CD2AP: variants seen among roughly 807,000 people sequenced by gnomAD.
CD2AP encodes the protein CD2 associated protein.
In CD2AP, 46 loss-of-function variants were observed where a neutral mutation model predicts 85.1. That is an observed-to-expected ratio of 0.54 (90% CI 0.43 to 0.69). The LOEUF (loss-of-function observed/expected upper bound fraction) is 0.69, where lower values mean the gene tolerates loss of function less well. Ranked by LOEUF, CD2AP falls within the 30% of genes least tolerant of loss-of-function variation. The pLI, the probability that CD2AP is intolerant of heterozygous loss-of-function variation, is 0.00. For missense variants in CD2AP, 769 were observed against 729.5 expected (o/e 1.05, Z -0.62); for synonymous variants, 255 against 252.9 (o/e 1.01, Z -0.08).
intron 8 of CD2AP, among the ~76,000 whole-genome samples, 174 bp downstream of exon 8, chr6:47,577,277 T>C (rs1358860987): frequency 6.6e-6 from 1 of 152,224 alleles, no homozygotes; most frequent in Non-Finnish European, 1.5e-5. Flanking sequence ...CTCAGAACGT[T>C]CTCTTTTTGA....
chr6:47,621,235 T>C (rs566854646), intron 17 of CD2AP, among the ~76,000 whole-genome samples: 33 of 152,352 alleles, frequency 2.2e-4, no homozygotes, highest in Non-Finnish European at 4.9e-4. Context: ...CCAGTTTTGC[T>C]GAGAGTTTTA....
At chr6:47,551,011 A>G (rs943391026) in intron 4 of CD2AP, among the ~76,000 whole-genome samples, 13 of 152,098 alleles carry the variant, frequency 8.5e-5, no homozygotes, top group African/African-American at 1.7e-4. Flanking sequence ...GAATGACACA[A>G]TGGACTTTGG....
intron 2 of CD2AP, among the ~76,000 whole-genome samples, chr6:47,503,878 A>G (rs1766060872): frequency 6.6e-6 from 1 of 152,234 alleles, no homozygotes; most frequent in Non-Finnish European, 1.5e-5. Context: ...ACTGTTGGTT[A>G]GCTAAGACAA....
chr6:47,560,379 G>T (rs1020748974), intron 5 of CD2AP, among the ~76,000 whole-genome samples: 3 of 151,704 alleles, frequency 2.0e-5, no homozygotes, highest in Admixed American at 6.6e-5. Context: ...TATTATTCCA[G>T]CATGTTCTTT....
At chr6:47,601,795 CTT>C (rs1769144628) in intron 13 of CD2AP, among the ~76,000 whole-genome samples, 1 of 151,922 alleles carries the variant, frequency 6.6e-6, no homozygotes, top group African/African-American at 2.4e-5. Flanking sequence ...ACATGAAAAA[CTT>C]ATTGAAAATT....
rs767386348 is a variant in CD2AP at position 47,606,074 on chromosome 6, A to AT, written c.1418-88dup. On this transcript the variant is annotated intron_variant, in intron 13 of 17. Coordinates refer to ENST00000359314, the MANE Select transcript of CD2AP (RefSeq NM_012120.3). ...CTTCAAAGTAGTGGTACTCTTTTTA[A>AT]TTTATAGTTTGTCCAAAAACTGAAA... The AT allele has an allele frequency of 2.2e-5, 16 of 723,248 alleles. No homozygotes were observed. In the East Asian group the frequency reaches 3.0e-4, roughly 13 times the overall value. 44.8% of individuals were successfully genotyped at this position (723,248 alleles called of 1,614,324 possible).
chr6:47,544,617 C>A lies in CD2AP; in HGVS notation c.331C>A (p.Arg111Ser). ...GTTACTTTCTTTAGAGACCAAGAAG[C>A]GTCAGTGTAAAGTTCTTTTTGAGTA... ...TKNIKKKTKK[R>S]QCKVLFEYIP... The change falls in exon 4 of 18, where the codon CGT becomes AGT. Residue 111 changes from arginine (R) to serine (S), a missense_variant. By Grantham distance (110) the Arg-to-Ser change is moderately radical. Transcript: ENST00000359314. The A allele has an allele frequency of 1.9e-6, 3 of 1,603,366 alleles. No individual in the cohort carries two copies. The highest frequency in any genetic ancestry group is 2.6e-6 in the Non-Finnish European group (3 of 1,170,674).
rs1769907758 is a variant in CD2AP at position 47,626,374 on chromosome 6, A to G, written c.*2147A>G. 2 of 152,472 alleles carry G rather than the reference A, an allele frequency of 1.3e-5. No homozygotes were observed. The highest frequency in any genetic ancestry group is 3.4e-3 in the Middle Eastern group (1 of 294). 9.4% of individuals were successfully genotyped at this position (152,472 alleles called of 1,614,324 possible). A position where few individuals can be genotyped will look rare whatever the true frequency, so the allele number is the denominator to read the frequency against. On this transcript the variant is annotated 3_prime_UTR_variant, in exon 18 of 18. Coordinates refer to ENST00000359314, the MANE Select transcript of CD2AP (RefSeq NM_012120.3). ...AACTTACTTTCTGTTGGTATGGGAA[A>G]TGTTATTAATTTCTATTACTAAAGT...
At chr6:47,496,542 A>G (rs745478844) in intron 1 of CD2AP, among the ~76,000 whole-genome samples, 40 of 152,340 alleles carry the variant, frequency 2.6e-4, no homozygotes, top group Non-Finnish European at 4.6e-4. Flanking sequence ...AGATGTATGC[A>G]GTTATGTGGT....
chr6:47,515,528 G>C (rs965761632), intron 2 of CD2AP, among the ~76,000 whole-genome samples: 2 of 152,170 alleles, frequency 1.3e-5, no homozygotes, highest in Non-Finnish European at 2.9e-5. Context: ...CCAAAGTCTT[G>C]CTGGTAATAT....
intron 13 of CD2AP, among the ~76,000 whole-genome samples, chr6:47,600,910 G>A (rs779174200): frequency 6.6e-6 from 1 of 151,784 alleles, no homozygotes; most frequent in Non-Finnish European, 1.5e-5. Flanking sequence ...CACAAATTTG[G>A]GGGATCTTTA....
intron 2 of CD2AP, among the ~76,000 whole-genome samples, chr6:47,505,557 C>A (rs370307845): frequency 1.6e-5 from 2 of 125,222 alleles, no homozygotes; most frequent in East Asian, 2.3e-4. Flanking sequence ...ACCTCCCAGA[C>A]GGGGTGGTGG....
rs576291141 is a variant in CD2AP at position 47,533,233 on chromosome 6, T to C, written c.166-369T>C. ...GTTGATGGTTGCAACAGAAAGTGTA[T>C]GGTCTGCAAATTGTAAAATATTTAC... On this transcript the variant is annotated intron_variant, in intron 2 of 17. Coordinates refer to ENST00000359314, the MANE Select transcript of CD2AP (RefSeq NM_012120.3). 7.9e-5 allele frequency among the ~76,000 whole-genome samples: 12 copies of C among 152,320 alleles called. No homozygotes were observed. The East Asian group carries it at 1.3e-3, about 17-fold the overall frequency.
chr6:47,541,673 G>A (rs6941555), intron 3 of CD2AP, among the ~76,000 whole-genome samples: 91,856 of 151,878 alleles, frequency 0.6, 28,578 homozygotes, highest in Middle Eastern at 0.74. Flanking sequence ...AAACAATTTC[G>A]TAGATTCACA....
chr6:47,579,777 C>A (rs1379337825), intron 9 of CD2AP: 1 of 279,150 alleles, frequency 3.6e-6, no homozygotes, highest in African/African-American at 2.2e-5. Context: ...TTAGTACTTT[C>A]CTGGAAGAAA....
intron 5 of CD2AP, among the ~76,000 whole-genome samples, chr6:47,563,924 AGTT>A (rs1767926720): frequency 6.6e-6 from 1 of 152,152 alleles, no homozygotes. Flanking sequence ...AAATAGTTCT[AGTT>A]GTTTAATTTA....
At chr6:47,560,051 G>T (rs1767811791) in intron 5 of CD2AP, among the ~76,000 whole-genome samples, 1 of 151,592 alleles carries the variant, frequency 6.6e-6, no homozygotes. Flanking sequence ...CTCATCTCTG[G>T]GTCCATCCTT....
chr6:47,543,734 C>T (rs1433600010), intron 3 of CD2AP, among the ~76,000 whole-genome samples: 2 of 152,166 alleles, frequency 1.3e-5, no homozygotes, highest in African/African-American at 4.8e-5. Context: ...TATTTACCAC[C>T]CCCACAAAGG....
At chr6:47,509,334 G>C (rs1231553349) in intron 2 of CD2AP, among the ~76,000 whole-genome samples, 1 of 151,818 alleles carries the variant, frequency 6.6e-6, no homozygotes, top group East Asian at 1.9e-4. Context: ...AATATTGCAA[G>C]AATGACAAAA....
Sources: gnomAD v4.1 joint callset for allele counts (sites outside exome capture counted in the v4.1 genomes callset) on GRCh38, gnomAD v4.1.1 for gene constraint, MANE v1.5 for transcripts, NCBI Gene and HGNC (gene_info 2026-07-23, HGNC 2026-07-21) for gene names.